GUCY1A2: variants seen among roughly 807,000 people sequenced by gnomAD.
GUCY1A2 encodes guanylate cyclase 1 soluble subunit alpha 2, also known as guanylate cyclase soluble subunit alpha-2.
Under a neutral mutation model 63.5 loss-of-function variants are expected in GUCY1A2, and 27 were observed. That is an observed-to-expected ratio of 0.43 (90% CI 0.31 to 0.59). The LOEUF is 0.59. Ranked by LOEUF, GUCY1A2 falls within the 20% of genes least tolerant of loss-of-function variation. The pLI is 0.11. For synonymous variants in GUCY1A2, 364 were observed against 343.5 expected (o/e 1.06, Z -0.66); for missense variants, 768 against 913.3 (o/e 0.84, Z 2.05).
At chr11:106,815,030 G>A (rs572987388) in intron 4 of GUCY1A2, among the ~76,000 whole-genome samples, 4 of 152,042 alleles carry the variant, frequency 2.6e-5, no homozygotes, top group South Asian at 2.1e-4. Context: ...ATATTTCAAC[G>A]AGCAATTATA....
At chr11:106,888,649 A>G (rs1859933296) in intron 4 of GUCY1A2, among the ~76,000 whole-genome samples, 2 of 152,218 alleles carry the variant, frequency 1.3e-5, no homozygotes, top group Non-Finnish European at 1.5e-5. Flanking sequence ...AATAAGTGCA[A>G]TGATTTAGTA....
intron 4 of GUCY1A2, among the ~76,000 whole-genome samples, chr11:106,862,447 C>T (rs1415931626): frequency 6.6e-6 from 1 of 151,556 alleles, no homozygotes; most frequent in East Asian, 1.9e-4. Flanking sequence ...AAGCATCTTG[C>T]TCCTGAACAG....
chr11:106,681,154 AC>A lies in GUCY1A2; in HGVS notation c.*6394del, dbSNP rs1447039555. On this transcript the variant is annotated 3_prime_UTR_variant, in exon 8 of 8. Coordinates refer to ENST00000526355, the MANE Select transcript of GUCY1A2 (RefSeq NM_000855.3). ...AGTATTACTGAATAATCATTTTCAG[AC>A]TTTTATTTATTGTGCTACAGGTGAC... is the stretch of plus-strand genomic sequence containing the variant. The A allele has an allele frequency of 7.9e-5, 17 of 214,406 alleles. No individual in the cohort carries two copies. The highest frequency in any genetic ancestry group is 3.2e-4 in the African/African-American group (14 of 44,380). The allele number at this position is 214,406 out of a possible 1,614,324, so 13.3% of individuals were successfully genotyped here.
At chr11:106,752,226 C>A (rs1489525854) in intron 6 of GUCY1A2, among the ~76,000 whole-genome samples, 1 of 152,000 alleles carries the variant, frequency 6.6e-6, no homozygotes, top group Non-Finnish European at 1.5e-5. Context: ...CGTAACAAAA[C>A]CTAATATAAA....
chr11:106,770,673 T>G (rs1163574373), intron 6 of GUCY1A2, among the ~76,000 whole-genome samples: 1 of 151,600 alleles, frequency 6.6e-6, no homozygotes, highest in Non-Finnish European at 1.5e-5. Context: ...AATTAAAAAT[T>G]AATTAGAGAA....
At chr11:106,803,312 C>A (rs1858636241) in intron 5 of GUCY1A2, among the ~76,000 whole-genome samples, 1 of 152,246 alleles carries the variant, frequency 6.6e-6, no homozygotes, top group African/African-American at 2.4e-5. Flanking sequence ...CTTTAAGAAT[C>A]TTTGAGGCCC....
At chr11:106,943,248 C>T (rs1028195371) in intron 3 of GUCY1A2, among the ~76,000 whole-genome samples, 6 of 152,110 alleles carry the variant, frequency 3.9e-5, no homozygotes, top group African/African-American at 7.2e-5. Flanking sequence ...CCCAAAGTTC[C>T]GCCTACGATT....
intron 4 of GUCY1A2, among the ~76,000 whole-genome samples, chr11:106,881,377 AT>A (rs1343587766): frequency 6.6e-6 from 1 of 152,056 alleles, no homozygotes; most frequent in Non-Finnish European, 1.5e-5. Context: ...ATGAATTATT[AT>A]ATTTACTATT....
At chr11:106,975,217 T>C (rs1347560103) in intron 3 of GUCY1A2, among the ~76,000 whole-genome samples, 1 of 152,130 alleles carries the variant, frequency 6.6e-6, no homozygotes, top group East Asian at 1.9e-4. Context: ...TACAACACTA[T>C]GTAAACCCAA....
chr11:106,913,865 T>G (rs543398500), intron 4 of GUCY1A2, among the ~76,000 whole-genome samples: 1 of 151,936 alleles, frequency 6.6e-6, no homozygotes, highest in Non-Finnish European at 1.5e-5. Flanking sequence ...AAAGTGTTCC[T>G]TAGCCACAAC....
intron 7 of GUCY1A2, among the ~76,000 whole-genome samples, chr11:106,691,222 A>G (rs596819): frequency 0.013 from 1,935 of 152,306 alleles, 20 homozygotes; most frequent in Middle Eastern, 0.031. Flanking sequence ...GAATAAGTTA[A>G]TATAACTAAA....
intron 4 of GUCY1A2, among the ~76,000 whole-genome samples, chr11:106,889,336 C>T (rs1373392978): frequency 1.3e-5 from 2 of 152,128 alleles, no homozygotes; most frequent in African/African-American, 4.8e-5. Context: ...AGCTTCAAGA[C>T]AAATCAGACA....
rs1318955102 is a variant in GUCY1A2 at position 106,978,729 on chromosome 11, G to A, written c.377C>T (p.Ala126Val). Residue 126 changes from alanine (A) to valine (V), a missense_variant, in exon 3 of 8, where the codon GCA (alanine) becomes GTA (valine). By Grantham distance (64) the Ala-to-Val change is moderately conservative (BLOSUM62 0). Around this residue, in one of 3 missense-constraint regions of GUCY1A2, gnomAD observed 496 missense variants for 486.9 expected, o/e 1.02. Transcript: ENST00000526355. ...YEHQVIGYRD[A>V]EKNFHNISNR... is the part of the protein sequence containing the mutation. The stretch of plus-strand genomic sequence containing the variant: ...AGAGATATTGTGGAAATTCTTTTCT[G>A]CATCCCTGTAACTAAGAAGAAAACA... 1.9e-6 allele frequency: 3 copies of A among 1,593,586 alleles called. No homozygotes were observed. In the African/African-American group the frequency reaches 4.1e-5, roughly 22 times the overall value.
Position 106,741,297 on chromosome 11 carries a change from A to G in GUCY1A2, c.1837-32631T>C, listed in dbSNP as rs1863690406. ...GGTATGTAGTTTTTATTTACAGCACATCTCAATTTTGACTAGCCATATCTA... is the reference window on the plus strand; with the variant it reads ...GGTATGTAGTTTTTATTTACAGCACGTCTCAATTTTGACTAGCCATATCTA... On this transcript the variant is annotated intron_variant, in intron 6 of 7. Transcript: ENST00000526355. 2.6e-5 allele frequency among the ~76,000 whole-genome samples: 4 copies of G among 152,372 alleles called. No homozygotes were observed. In the South Asian group the frequency reaches 8.3e-4, roughly 32 times the overall value.
At chr11:106,873,560 A>G (rs576612799) in intron 4 of GUCY1A2, among the ~76,000 whole-genome samples, 3 of 152,196 alleles carry the variant, frequency 2.0e-5, no homozygotes, top group East Asian at 3.9e-4. Context: ...GGCCACGTAC[A>G]TGTCTTTTTT....
chr11:106,944,696 T>C (rs1412690620), intron 3 of GUCY1A2, among the ~76,000 whole-genome samples: 1 of 152,132 alleles, frequency 6.6e-6, no homozygotes, highest in Admixed American at 6.5e-5. Context: ...CAGAAATAAA[T>C]TTTAACAATG....
At chr11:106,823,515 T>C (rs1393922971) in intron 4 of GUCY1A2, among the ~76,000 whole-genome samples, 1 of 152,174 alleles carries the variant, frequency 6.6e-6, no homozygotes, top group Non-Finnish European at 1.5e-5. Flanking sequence ...CTTAGGTTGG[T>C]TCCATGACTT....
chr11:106,835,371 C>G (rs768610593), intron 4 of GUCY1A2, among the ~76,000 whole-genome samples: 4 of 151,482 alleles, frequency 2.6e-5, no homozygotes, highest in Non-Finnish European at 4.4e-5. Flanking sequence ...AATACCGTAA[C>G]ATGTAGAACA....
chr11:106,822,471 C>A (rs780672255), intron 4 of GUCY1A2, among the ~76,000 whole-genome samples: 1 of 152,114 alleles, frequency 6.6e-6, no homozygotes, highest in Non-Finnish European at 1.5e-5. Context: ...CCCAGGTAGA[C>A]AGCATAGTAC....
Sources: allele counts gnomAD v4.1 joint callset (sites outside exome capture counted in the v4.1 genomes callset), GRCh38; gene constraint gnomAD v4.1.1; regional missense constraint gnomAD v4.1.1; transcripts MANE v1.5; gene names NCBI Gene and HGNC (gene_info 2026-07-23, HGNC 2026-07-21).